Variants in SNCAIP observed in about 807,000 individuals in gnomAD.
SNCAIP encodes the protein synuclein alpha interacting protein, also known as synphilin-1.
Under a neutral mutation model 86.7 loss-of-function variants are expected in SNCAIP, and 43 were observed. The ratio of observed to expected loss-of-function variants is 0.50; its 90% CI spans 0.39 to 0.64. The LOEUF is 0.64. Among genes scored for constraint, SNCAIP ranks in the 30% least tolerant of loss-of-function variants. The pLI is 0.00. For synonymous variants in SNCAIP, 417 were observed against 427.2 expected (o/e 0.98, Z 0.29); for missense variants, 981 against 1,103.1 (o/e 0.89, Z 1.57).
intron 1 of SNCAIP, among the ~76,000 whole-genome samples, chr5:122,345,700 TTG>T (rs1758484328): frequency 6.6e-6 from 1 of 152,124 alleles, no homozygotes; most frequent in African/African-American, 2.4e-5. Context: ...TTTGTTGTTG[TTG>T]TTGTTGTTTT....
At chr5:122,430,543 G>C (rs1778208293) in intron 5 of SNCAIP, among the ~76,000 whole-genome samples, 2 of 152,112 alleles carry the variant, frequency 1.3e-5, no homozygotes, top group South Asian at 4.2e-4. Context: ...TTGCAACTAA[G>C]TGGCAGATTA....
intron 1 of SNCAIP, among the ~76,000 whole-genome samples, chr5:122,356,534 T>C (rs1176180598): frequency 6.6e-6 from 1 of 152,240 alleles, no homozygotes; most frequent in African/African-American, 2.4e-5. Flanking sequence ...TTCACACATA[T>C]ACACACATGT....
intron 1 of SNCAIP, among the ~76,000 whole-genome samples, chr5:122,347,106 A>G (rs1431549157): frequency 6.6e-6 from 1 of 152,082 alleles, no homozygotes; most frequent in Non-Finnish European, 1.5e-5. Context: ...AAGATAATTC[A>G]ATGTTTTAAT....
In SNCAIP at chr5:122,463,649, A is replaced by G. The variant is rs1297594104; in HGVS notation, c.*153A>G. On this transcript the variant is annotated 3_prime_UTR_variant, in exon 11 of 11. Coordinates refer to ENST00000261368, the MANE Select transcript of SNCAIP (RefSeq NM_005460.4). Reference sequence around the variant, plus strand: ...AATTTCTGGACTATCCTCTTTGGAAAGAGAACCATGAAAACAATGCCTCAC... The same window carrying G: ...AATTTCTGGACTATCCTCTTTGGAAGGAGAACCATGAAAACAATGCCTCAC... 2 of 747,716 alleles carry G rather than the reference A, an allele frequency of 2.7e-6. No homozygotes were observed. Among genetic ancestry groups the G allele is most frequent in the African/African-American group, 3.5e-5 (2 of 56,654 alleles). 46.3% of individuals were successfully genotyped at this position (747,716 alleles called of 1,614,324 possible).
chr5:122,402,699 T>A (rs1772082655), intron 2 of SNCAIP, among the ~76,000 whole-genome samples: 1 of 152,218 alleles, frequency 6.6e-6, no homozygotes, highest in Non-Finnish European at 1.5e-5. Flanking sequence ...TTCTTACTGA[T>A]AAATGTGTCC....
rs777891624 is a variant in SNCAIP, at chr5:122,450,815, A to G, written c.1968A>G (p.Pro656=). Residue 656 remains proline, a synonymous_variant, in exon 10 of 11, where the codon CCA becomes CCG. Transcript: ENST00000261368. ...CCTCTAGAAATTCTAAAAAGATCCC[A>G]CTGGAGAAGAGGGAACTGAAGTTAG... ...QASSRNSKKI[P]LEKRELKLAR... 1 of 1,614,110 alleles carries G rather than the reference A, an allele frequency of 6.2e-7. No homozygotes were observed. The highest frequency in any genetic ancestry group is 2.2e-5 in the East Asian group (1 of 44,872).
chr5:122,427,641 A>G (rs911492690), intron 5 of SNCAIP, among the ~76,000 whole-genome samples: 2 of 152,154 alleles, frequency 1.3e-5, no homozygotes, highest in Non-Finnish European at 2.9e-5. Context: ...AGAGAGTCCT[A>G]AAGAGTCACC....
chr5:122,416,069 G>A (rs919297733), intron 3 of SNCAIP, among the ~76,000 whole-genome samples: 25 of 152,184 alleles, frequency 1.6e-4, no homozygotes, highest in South Asian at 4.1e-4. Context: ...GTCTGATTTC[G>A]TGATGGAATA....
chr5:122,384,787 C>A (rs1321099807), intron 1 of SNCAIP, among the ~76,000 whole-genome samples: 1 of 152,178 alleles, frequency 6.6e-6, no homozygotes, highest in Non-Finnish European at 1.5e-5. Context: ...TTCTTACAAA[C>A]ATGCCAGAAA....
intron 3 of SNCAIP, among the ~76,000 whole-genome samples, chr5:122,404,815 T>C (rs1371623924): frequency 6.6e-6 from 1 of 152,212 alleles, no homozygotes; most frequent in African/African-American, 2.4e-5. Flanking sequence ...CTCTGGACTG[T>C]TTGTTTTCCT....
In SNCAIP at chr5:122,422,983, G is replaced by C. The variant is rs1776695274; in HGVS notation, c.246G>C (p.Leu82=). The C allele has an allele frequency of 1.2e-6, 2 of 1,614,208 alleles. No homozygotes were observed. ...GCCCAGTGAAGCGGGTTTCGCCACT[G>C]AAACATCAGCCAGAGACTCTGGAGA... is the stretch of plus-strand genomic sequence containing the variant. ...KFRPVKRVSP[L]KHQPETLENN... Residue 82 remains leucine, a synonymous_variant, in exon 4 of 11, where the codon CTG becomes CTC. Transcript: ENST00000261368.
intron 1 of SNCAIP, among the ~76,000 whole-genome samples, chr5:122,352,298 G>A (rs532946742): frequency 1.3e-5 from 2 of 152,194 alleles, no homozygotes; most frequent in South Asian, 4.1e-4. Context: ...TTTTTATTAA[G>A]CCTTCTTTTT....
At chr5:122,409,203 T>C (rs774608103) in intron 3 of SNCAIP, among the ~76,000 whole-genome samples, 2 of 152,238 alleles carry the variant, frequency 1.3e-5, no homozygotes, top group African/African-American at 2.4e-5. Flanking sequence ...TGAATGTTAA[T>C]TCTTCTCTAT....
In SNCAIP at chr5:122,403,787, G is replaced by C. The variant is rs375361793; in HGVS notation, c.58-6G>C. 3.7e-6 allele frequency: 6 copies of C among 1,611,674 alleles called. No individual in the cohort carries two copies. The highest frequency in any genetic ancestry group is 4.5e-5 in the East Asian group (2 of 44,876). ...TATGCCCTCTCTTCTCTGGCTTCCC[G>C]TTCAGTATTCAGTCACATCACTCAA... On this transcript the variant is annotated splice_region_variant and splice_polypyrimidine_tract_variant and intron_variant, in intron 2 of 10. Coordinates refer to ENST00000261368, the MANE Select transcript of SNCAIP (RefSeq NM_005460.4).
chr5:122,365,626 C>G (rs900369087), intron 1 of SNCAIP, among the ~76,000 whole-genome samples: 3 of 152,190 alleles, frequency 2.0e-5, no homozygotes, highest in Non-Finnish European at 4.4e-5. Flanking sequence ...TTGCAGTGAG[C>G]CAAGATTGCG....
Position 122,358,343 on chromosome 5 carries a change from T to C in SNCAIP, c.-46-32746T>C, listed in dbSNP as rs1761526468. ...TTATATTAGGTGTATCTCCTAATGC[T>C]ATCCCTCCCCCCTCCCCCCACCCCA... On this transcript the variant is annotated intron_variant, in intron 1 of 10. Coordinates refer to ENST00000261368, the MANE Select transcript of SNCAIP (RefSeq NM_005460.4). Among the ~76,000 whole-genome samples, 5 of 140,926 alleles carry C rather than the reference T, an allele frequency of 3.5e-5. No homozygotes were observed. The South Asian group carries it at 1.0e-3, about 29-fold the overall frequency. The allele number at this position is 140,926 out of a possible 152,430, so 92.5% of individuals were successfully genotyped here.
At chr5:122,450,030 C>T (rs1033400381) in intron 9 of SNCAIP, 93 bp downstream of exon 9, 1 of 880,342 alleles carries the variant, frequency 1.1e-6, no homozygotes, top group African/African-American at 1.7e-5. Context: ...AAGAGGATGA[C>T]AACAGAAAAC....
chr5:122,345,960 T>C (rs1374787267), intron 1 of SNCAIP, among the ~76,000 whole-genome samples: 1 of 151,998 alleles, frequency 6.6e-6, no homozygotes, highest in Non-Finnish European at 1.5e-5. Flanking sequence ...GCCTTCAGGA[T>C]TTTTTGGTAT....
At chr5:122,409,624 G>A (rs958257712) in intron 3 of SNCAIP, among the ~76,000 whole-genome samples, 1 of 152,202 alleles carries the variant, frequency 6.6e-6, no homozygotes, top group African/African-American at 2.4e-5. Flanking sequence ...TGGCATTAAA[G>A]TCATGTAGGT....
Sources: allele counts gnomAD v4.1 joint callset (sites outside exome capture counted in the v4.1 genomes callset), GRCh38; gene constraint gnomAD v4.1.1; transcripts MANE v1.5; gene names NCBI Gene and HGNC (gene_info 2026-07-23, HGNC 2026-07-21).